SLC35F1: variants seen among roughly 807,000 people sequenced by gnomAD.
The protein encoded by SLC35F1 is chromosome 6 open reading frame 169.
A neutral mutation model predicts 48.7 loss-of-function variants in SLC35F1; 14 were observed. The ratio of observed to expected loss-of-function variants is 0.29; its 90% CI spans 0.19 to 0.45. SLC35F1 has a LOEUF of 0.45. Ranked by LOEUF, SLC35F1 falls within the 20% of genes least tolerant of loss-of-function variation. The pLI is 1.00. For synonymous variants in SLC35F1, 190 were observed against 202.2 expected (o/e 0.94, Z 0.51); for missense variants, 404 against 500.0 (o/e 0.81, Z 1.83).
intron 1 of SLC35F1, among the ~76,000 whole-genome samples, chr6:117,938,413 C>T (rs1227180586): frequency 6.6e-6 from 1 of 152,234 alleles, no homozygotes; most frequent in Non-Finnish European, 1.5e-5. Flanking sequence ...CCAACAGAAG[C>T]TTATCTCTTC....
rs567961403 is a variant in SLC35F1 at position 118,021,489 on chromosome 6, A to G, written c.173+113590A>G. ...TCAGTAGCACAGGCTTGTTCTTGGC[A>G]GACCTGGAAGAGCATTGTCACAGTG... On this transcript the variant is annotated intron_variant, in intron 1 of 7. Transcript: ENST00000360388. Among the ~76,000 whole-genome samples the G allele has an allele frequency of 1.3e-3, 203 of 152,292 alleles. 1 individual carries two copies. The highest frequency in any genetic ancestry group is 4.7e-3 in the African/African-American group (194 of 41,568).
At chr6:118,080,068 A>T (rs75687147) in intron 1 of SLC35F1, among the ~76,000 whole-genome samples, 17 of 152,350 alleles carry the variant, frequency 1.1e-4, no homozygotes, top group Non-Finnish European at 2.1e-4. Flanking sequence ...CTCACTGAAC[A>T]TTAAAAAAAT....
chr6:118,238,504 G>A (rs1775395997), intron 3 of SLC35F1, among the ~76,000 whole-genome samples: 2 of 151,900 alleles, frequency 1.3e-5, no homozygotes, highest in South Asian at 4.2e-4. Flanking sequence ...GTAAAAGGAT[G>A]ATCTTCAGGA....
intron 1 of SLC35F1, among the ~76,000 whole-genome samples, chr6:117,978,766 C>T (rs569451071): frequency 2.6e-5 from 4 of 152,200 alleles, no homozygotes; most frequent in African/African-American, 7.2e-5. Context: ...ATACAGGACA[C>T]CCACTGAATT....
At chr6:118,094,613 C>A (rs1168989973) in intron 1 of SLC35F1, among the ~76,000 whole-genome samples, 1 of 152,034 alleles carries the variant, frequency 6.6e-6, no homozygotes, top group East Asian at 1.9e-4. Flanking sequence ...TCAGAGAAAA[C>A]CAGGAGAGTG....
At chr6:117,913,818 A>G (rs915687000) in intron 1 of SLC35F1, among the ~76,000 whole-genome samples, 2 of 152,160 alleles carry the variant, frequency 1.3e-5, no homozygotes, top group Non-Finnish European at 2.9e-5. Context: ...TGGGAGGCCA[A>G]GGTGGGAGGG....
intron 1 of SLC35F1, among the ~76,000 whole-genome samples, chr6:118,135,715 C>T (rs1406618239): frequency 6.6e-6 from 1 of 152,240 alleles, no homozygotes; most frequent in Non-Finnish European, 1.5e-5. Context: ...ACAGCTTTAA[C>T]AGCACATTTG....
rs1364435168 is a variant in SLC35F1 at position 118,277,542 on chromosome 6, A to G, written c.843A>G (p.Gln281=). The G allele has an allele frequency of 6.2e-7, 1 of 1,613,762 alleles. No individual in the cohort carries two copies. The highest frequency in any genetic ancestry group is 1.3e-5 in the African/African-American group (1 of 74,932). ...KELLKVPWDW[Q]IGLLYVGFSA... Reference sequence around the variant, plus strand: ...TGTTGAAGGTGCCCTGGGACTGGCAAATAGGTAAGGAGTTGGCTCACATAC... The same window carrying G: ...TGTTGAAGGTGCCCTGGGACTGGCAGATAGGTAAGGAGTTGGCTCACATAC... The change falls in exon 6 of 8, where the codon CAA becomes CAG. Residue 281 remains glutamine (Q), a synonymous_variant. Transcript: ENST00000360388.
chr6:117,950,946 T>G (rs1776356336), intron 1 of SLC35F1, among the ~76,000 whole-genome samples: 2 of 152,232 alleles, frequency 1.3e-5, no homozygotes. Context: ...TTATTTAACA[T>G]ATAGTCAAAT....
At chr6:118,211,088 G>GC (rs1774996045) in intron 2 of SLC35F1, among the ~76,000 whole-genome samples, 1 of 152,170 alleles carries the variant, frequency 6.6e-6, no homozygotes, top group African/African-American at 2.4e-5. Context: ...GGACAGGACA[G>GC]CCATCTACAA....
intron 2 of SLC35F1, among the ~76,000 whole-genome samples, chr6:118,189,712 T>C (rs1333654568): frequency 6.6e-6 from 1 of 152,202 alleles, no homozygotes; most frequent in Non-Finnish European, 1.5e-5. Flanking sequence ...GTTTAAGCAA[T>C]AAATGTTTCA....
intron 7 of SLC35F1, among the ~76,000 whole-genome samples, chr6:118,303,373 A>G (rs1002413254): frequency 4.6e-5 from 7 of 152,258 alleles, no homozygotes; most frequent in Admixed American, 1.3e-4. Flanking sequence ...AATGGAAGAA[A>G]CAAAAAGAAT....
At chr6:118,260,043 A>G (rs1775693103) in intron 3 of SLC35F1, among the ~76,000 whole-genome samples, 1 of 152,178 alleles carries the variant, frequency 6.6e-6, no homozygotes, top group African/African-American at 2.4e-5. Flanking sequence ...ATTCAGCAGT[A>G]AAAAGGAATG....
chr6:117,939,537 A>C (rs1270352231), intron 1 of SLC35F1, among the ~76,000 whole-genome samples: 2 of 152,182 alleles, frequency 1.3e-5, no homozygotes, highest in Non-Finnish European at 2.9e-5. Context: ...TACATCTTTG[A>C]AATTTTCTGA....
chr6:118,155,813 C>T (rs1774131861), intron 2 of SLC35F1, among the ~76,000 whole-genome samples: 1 of 152,016 alleles, frequency 6.6e-6, no homozygotes. Context: ...TAGATAAGGA[C>T]ACATGTATAG....
chr6:118,153,488 A>T (rs1285485265), intron 1 of SLC35F1, among the ~76,000 whole-genome samples: 2 of 152,184 alleles, frequency 1.3e-5, no homozygotes, highest in Non-Finnish European at 2.9e-5. Flanking sequence ...TGCTTCTATT[A>T]TATTACTGTT....
At chr6:118,065,197 G>GA (rs1293642267) in intron 1 of SLC35F1, among the ~76,000 whole-genome samples, 2 of 152,122 alleles carry the variant, frequency 1.3e-5, no homozygotes, top group Admixed American at 6.5e-5. Context: ...GCTGAGTGGA[G>GA]AAAAAATCCT....
At chr6:118,223,994 G>C (rs1189402937) in intron 2 of SLC35F1, among the ~76,000 whole-genome samples, 1 of 152,100 alleles carries the variant, frequency 6.6e-6, no homozygotes, top group African/African-American at 2.4e-5. Context: ...TGCTAATGTC[G>C]GGAGACATCA....
chr6:118,116,540 A>G (rs558136255), intron 1 of SLC35F1, among the ~76,000 whole-genome samples: 2 of 152,306 alleles, frequency 1.3e-5, no homozygotes, highest in East Asian at 3.9e-4. Context: ...CTAGGAGCCT[A>G]CACAATATCC....
Sources: allele counts gnomAD v4.1 joint callset (sites outside exome capture counted in the v4.1 genomes callset), GRCh38; gene constraint gnomAD v4.1.1; transcripts MANE v1.5; gene names NCBI Gene and HGNC (gene_info 2026-07-23, HGNC 2026-07-21).